The following GALNT12 variants were observed in gnomAD, a reference collection of about 807,000 sequenced individuals.
The protein encoded by GALNT12 is polypeptide N-acetylgalactosaminyltransferase 12.
Under a neutral mutation model 55.5 loss-of-function variants are expected in GALNT12, and 45 were observed. That is an observed-to-expected ratio of 0.81 (90% confidence interval 0.64 to 1.04). GALNT12 has a LOEUF of 1.04. Ranked by LOEUF, GALNT12 falls within the 50% of genes least tolerant of loss-of-function variation. GALNT12 has a pLI of 0.00. For missense variants in GALNT12, 709 were observed against 754.8 expected (o/e 0.94, Z 0.71); for synonymous variants, 304 against 312.2 (o/e 0.97, Z 0.28).
chr9:98,815,784 T>G (rs141811597), intron 1 of GALNT12, among the ~76,000 whole-genome samples: 1,725 of 152,356 alleles, frequency 0.011, 27 homozygotes, highest in African/African-American at 0.04. Context: ...AGATCACCAT[T>G]GATAACATTT....
At chr9:98,848,559 T>A (rs1836471166) in intron 9 of GALNT12, among the ~76,000 whole-genome samples, 1 of 152,218 alleles carries the variant, frequency 6.6e-6, no homozygotes, top group East Asian at 1.9e-4. Context: ...TACAGCCAAG[T>A]TTCCACACTC....
intron 1 of GALNT12, among the ~76,000 whole-genome samples, chr9:98,820,339 A>T (rs1049454068): frequency 6.6e-6 from 1 of 152,166 alleles, no homozygotes; most frequent in South Asian, 2.1e-4. Flanking sequence ...AAGTGAGAAC[A>T]TGTGGTATTT....
chr9:98,841,825 C>G (rs1267321710), intron 7 of GALNT12, among the ~76,000 whole-genome samples: 1 of 151,960 alleles, frequency 6.6e-6, no homozygotes, highest in African/African-American at 2.4e-5. Context: ...CACCTGCCAC[C>G]ATGCCTGGCT....
intron 7 of GALNT12, among the ~76,000 whole-genome samples, chr9:98,840,996 T>C (rs938377986): frequency 3.9e-5 from 6 of 152,240 alleles, no homozygotes; most frequent in African/African-American, 1.4e-4. Flanking sequence ...TAATGTCTAG[T>C]TCTAATACAT....
intron 1 of GALNT12, among the ~76,000 whole-genome samples, chr9:98,815,256 G>T (rs1432275789): frequency 6.6e-6 from 1 of 152,058 alleles, no homozygotes; most frequent in African/African-American, 2.4e-5. Flanking sequence ...CAACCAACCT[G>T]GTTTTCACTT....
At chr9:98,827,034 G>T in intron 3 of GALNT12, 93 bp downstream of exon 3, 1 of 1,364,782 alleles carries the variant, frequency 7.3e-7, no homozygotes. Flanking sequence ...GGGTTAACGG[G>T]TTGCCTGGGC....
chr9:98,817,085 C>T (rs956424050), intron 1 of GALNT12, among the ~76,000 whole-genome samples: 4 of 152,108 alleles, frequency 2.6e-5, no homozygotes, highest in South Asian at 4.1e-4. Flanking sequence ...CTCGGCCTCC[C>T]GAAGTGCTGG....
chr9:98,826,970 C>G (rs1028815064), intron 3 of GALNT12, 29 bp downstream of exon 3: 1 of 1,550,422 alleles, frequency 6.4e-7, no homozygotes, highest in African/African-American at 1.4e-5. Flanking sequence ...ATGGGAGAGA[C>G]AGCATGTTAC....
intron 3 of GALNT12, among the ~76,000 whole-genome samples, chr9:98,830,536 A>G (rs1835968205): frequency 6.6e-6 from 1 of 152,212 alleles, no homozygotes; most frequent in South Asian, 2.1e-4. Flanking sequence ...TCCTTGTAAA[A>G]ATTAGGCTTT....
At chr9:98,844,374 C>T (rs1438071942) in intron 8 of GALNT12, 165 bp downstream of exon 8, 5 of 632,002 alleles carry the variant, frequency 7.9e-6, no homozygotes, top group South Asian at 1.9e-5. Flanking sequence ...TGTTTTCTTC[C>T]CATCATTTTT....
intron 1 of GALNT12, among the ~76,000 whole-genome samples, chr9:98,819,273 G>A (rs1835683047): frequency 6.6e-6 from 1 of 152,158 alleles, no homozygotes; most frequent in African/African-American, 2.4e-5. Flanking sequence ...CTTGAATGTG[G>A]ACCAGGCTCC....
intron 6 of GALNT12, among the ~76,000 whole-genome samples, chr9:98,838,341 G>C (rs954332609): frequency 3.9e-5 from 6 of 152,152 alleles, no homozygotes; most frequent in Non-Finnish European, 5.9e-5. Flanking sequence ...CCCACTCAGA[G>C]GCCTTGCTGG....
At chr9:98,844,584 C>G in intron 8 of GALNT12, 1 of 279,136 alleles carries the variant, frequency 3.6e-6, no homozygotes, top group Non-Finnish European at 6.9e-6. Flanking sequence ...GCCTCCCTGT[C>G]TTTGCAATTA....
intron 4 of GALNT12, among the ~76,000 whole-genome samples, chr9:98,834,187 C>G (rs150862371): frequency 0.046 from 6,986 of 152,074 alleles, 234 homozygotes; most frequent in East Asian, 0.15. Flanking sequence ...GGCATGATCT[C>G]AGCTCTCTGC....
intron 2 of GALNT12, among the ~76,000 whole-genome samples, chr9:98,824,834 T>A (rs891317209): frequency 7.2e-5 from 11 of 152,220 alleles, no homozygotes; most frequent in Non-Finnish European, 1.3e-4. Context: ...CAGAACCTCA[T>A]GTAGCAGCCG....
intron 1 of GALNT12, among the ~76,000 whole-genome samples, chr9:98,822,844 G>A (rs1835775337): frequency 6.6e-6 from 1 of 152,140 alleles, no homozygotes; most frequent in Non-Finnish European, 1.5e-5. Flanking sequence ...GCCTGAGCTG[G>A]GAGCTTGCCA....
intron 1 of GALNT12, among the ~76,000 whole-genome samples, chr9:98,816,918 G>A (rs532027059): frequency 1.3e-5 from 2 of 150,298 alleles, no homozygotes; most frequent in Admixed American, 6.7e-5. Context: ...TCTGCCTTCC[G>A]GGTTCATGCC....
chr9:98,841,251 T>C (rs2118477066), intron 7 of GALNT12, among the ~76,000 whole-genome samples: 1 of 152,352 alleles, frequency 6.6e-6, no homozygotes, highest in East Asian at 1.9e-4. Context: ...GTTGTGCCTC[T>C]CTCCCCCATA....
intron 1 of GALNT12, among the ~76,000 whole-genome samples, chr9:98,817,327 A>G (rs1198998351): frequency 2.0e-5 from 3 of 152,304 alleles, no homozygotes; most frequent in South Asian, 2.1e-4. Flanking sequence ...TAGCTTTTCT[A>G]TGCATCTTGT....
Sources: gnomAD v4.1 joint callset for allele counts (sites outside exome capture counted in the v4.1 genomes callset) on GRCh38, gnomAD v4.1.1 for gene constraint, MANE v1.5 for transcripts, NCBI Gene and HGNC (gene_info 2026-07-23, HGNC 2026-07-21) for gene names.